The following MTMR2 variants were observed in gnomAD, a reference collection of about 807,000 sequenced individuals.
MTMR2 encodes the protein myotubularin related protein 2.
MTMR2 carries 55 observed loss-of-function variants against 86.9 expected under a neutral mutation model. That is an observed-to-expected ratio of 0.63 (90% CI 0.51 to 0.79). The LOEUF is 0.79. MTMR2 is among the 30% of genes least tolerant of loss of function. The probability of loss-of-function intolerance (pLI) is 0.00; values close to 1 mark genes in which losing one functional copy is unlikely to be tolerated. For synonymous variants in MTMR2, 241 were observed against 266.8 expected (o/e 0.90, Z 0.94); for missense variants, 659 against 772.3 (o/e 0.85, Z 1.74).
chr11:95,850,921 T>A (rs1252626215), intron 7 of MTMR2, among the ~76,000 whole-genome samples, 172 bp from the exon 8 acceptor site: 1 of 152,226 alleles, frequency 6.6e-6, no homozygotes, highest in East Asian at 1.9e-4. Flanking sequence ...GATATTCTAA[T>A]GTAGGGATAC....
At chr11:95,922,016 A>G (rs1444679303) in intron 1 of MTMR2, among the ~76,000 whole-genome samples, 5 of 152,244 alleles carry the variant, frequency 3.3e-5, no homozygotes, top group Non-Finnish European at 5.9e-5. Context: ...GCAAAAATCC[A>G]AAACAAAGGT....
At chr11:95,836,105 C>T (rs773652596) in intron 14 of MTMR2, 43 bp downstream of exon 14, 2 of 1,568,220 alleles carry the variant, frequency 1.3e-6, no homozygotes, top group South Asian at 2.2e-5. Context: ...CAAAGTTGCA[C>T]TGCATGAATG....
At chr11:95,849,007 G>A (rs1344036551) in intron 9 of MTMR2, among the ~76,000 whole-genome samples, 1 of 152,084 alleles carries the variant, frequency 6.6e-6, no homozygotes, top group Non-Finnish European at 1.5e-5. Flanking sequence ...TAGTGGCATG[G>A]TTGTACAACT....
chr11:95,845,286 TAAG>T, intron 10 of MTMR2, 127 bp from the exon 11 acceptor site: 1 of 881,680 alleles, frequency 1.1e-6, no homozygotes, highest in South Asian at 1.5e-5. Flanking sequence ...TGTCCCTTCC[TAAG>T]AAGAATTTTT....
chr11:95,860,482 C>T (rs1864371604), intron 5 of MTMR2, among the ~76,000 whole-genome samples: 2 of 152,124 alleles, frequency 1.3e-5, no homozygotes, highest in Admixed American at 6.6e-5. Context: ...GCCTAAGCAA[C>T]AGAGCCAGAC....
chr11:95,923,608 T>G, intron 1 of MTMR2: 1 of 1,274,764 alleles, frequency 7.8e-7, no homozygotes, highest in Non-Finnish European at 1.0e-6. Context: ...AGAAAGTAAT[T>G]AACTGGGACC....
chr11:95,870,738 T>C (rs992014362), intron 2 of MTMR2, among the ~76,000 whole-genome samples: 10 of 109,212 alleles, frequency 9.2e-5, no homozygotes, highest in Non-Finnish European at 2.2e-4. Flanking sequence ...TTTCTTTTTC[T>C]TTTTTTTTTT....
At position 95,918,668 on chromosome 11, in the gene MTMR2, A is replaced by G. The variant is rs571692502; in HGVS notation, c.80+5207T>C. 1.0e-3 allele frequency among the ~76,000 whole-genome samples: 153 copies of G among 152,304 alleles called. 1 individual carries two copies. Among genetic ancestry groups the G allele is most frequent in the African/African-American group, 3.5e-3 (147 of 41,572 alleles). The stretch of plus-strand genomic sequence containing the variant: ...CTAATAATGCCAAGGTTGTAGGTTC[A>G]ATCTGGTAGCTTTACTCTGTTTTAC... On this transcript the variant is annotated intron_variant, in intron 1 of 14. Coordinates refer to ENST00000346299, the MANE Select transcript of MTMR2 (RefSeq NM_016156.6).
intron 2 of MTMR2, among the ~76,000 whole-genome samples, chr11:95,871,164 C>G (rs1864866380): frequency 6.6e-6 from 1 of 152,170 alleles, no homozygotes; most frequent in Non-Finnish European, 1.5e-5. Flanking sequence ...GGTTCCAAGT[C>G]TTTGCTATTG....
intron 1 of MTMR2, among the ~76,000 whole-genome samples, chr11:95,899,727 G>A (rs1442757007): frequency 1.3e-5 from 2 of 151,962 alleles, no homozygotes; most frequent in African/African-American, 4.8e-5. Context: ...CATATTTGCT[G>A]GCCAGTGACT....
Position 95,835,140 on chromosome 11 carries a change from G to T in MTMR2, c.*150C>A. ...CACTTAAGCCACCTGCACTGCTACA[G>T]TTCTAAACTCATCCTAGAGAGATTT... is the stretch of plus-strand genomic sequence containing the variant. On this transcript the variant is annotated 3_prime_UTR_variant, in exon 15 of 15. Transcript: ENST00000346299. 1 of 830,732 alleles carries T rather than the reference G, an allele frequency of 1.2e-6. No individual in the cohort carries two copies. Among genetic ancestry groups the T allele is most frequent in the Non-Finnish European group, 2.0e-6 (1 of 508,740 alleles). The allele number at this position is 830,732 out of a possible 1,614,324, so 51.5% of individuals were successfully genotyped here.
At chr11:95,885,620 T>G (rs1415959169) in intron 2 of MTMR2, among the ~76,000 whole-genome samples, 1 of 151,986 alleles carries the variant, frequency 6.6e-6, no homozygotes, top group Non-Finnish European at 1.5e-5. Context: ...ATAAGATAAA[T>G]AAAAGATTAA....
chr11:95,901,246 A>G (rs1361205208), intron 1 of MTMR2, among the ~76,000 whole-genome samples: 1 of 152,144 alleles, frequency 6.6e-6, no homozygotes, highest in Non-Finnish European at 1.5e-5. Flanking sequence ...ACCCACTACT[A>G]GTCAAAGCAT....
chr11:95,886,489 G>C (rs1865515685), intron 2 of MTMR2, among the ~76,000 whole-genome samples: 1 of 152,156 alleles, frequency 6.6e-6, no homozygotes, highest in African/African-American at 2.4e-5. Context: ...TCTGCATGCA[G>C]AGAGAAGTTG....
In MTMR2 at chr11:95,888,211, A is replaced by G. The variant is rs375382954; in HGVS notation, c.131T>C (p.Val44Ala). 3 of 1,613,590 alleles carry G rather than the reference A, an allele frequency of 1.9e-6. No individual in the cohort carries two copies. In the African/African-American group the frequency reaches 4.0e-5, roughly 22 times the overall value. The change falls in exon 2 of 15, where the codon GTT (valine) becomes GCT (alanine). Residue 44 changes from valine to alanine, a missense_variant. Val to Ala is a moderately conservative substitution (Grantham distance 64). Around this residue, in one of 3 missense-constraint regions of MTMR2, gnomAD observed 79 missense variants for 54.4 expected, o/e 1.45. Transcript: ENST00000346299. ...ENSVHTKSAS[V>A]VSSDSISTSA... ...AGTTGAAATGGAATCTGATGATACAACAGAAGCTGATTTTGTATGCACTGA... is the reference window on the plus strand; with the variant it reads ...AGTTGAAATGGAATCTGATGATACAGCAGAAGCTGATTTTGTATGCACTGA...
chr11:95,835,391 C>T lies in MTMR2; in HGVS notation c.1831G>A (p.Val611Ile), dbSNP rs1339450885. 1 of 1,613,198 alleles carries T rather than the reference C, an allele frequency of 6.2e-7. No homozygotes were observed. The highest frequency in any genetic ancestry group is 1.1e-5 in the South Asian group (1 of 91,062). Residue 611 changes from valine to isoleucine, a missense_variant, in exon 15 of 15, where the codon GTA becomes ATA. Coordinates refer to ENST00000346299, the MANE Select transcript of MTMR2 (RefSeq NM_016156.6). ...LAKRAELQKK[V>I]EELQREISNR... ...GAAATCTCTCTCTGTAGTTCCTCTACTTTTTTCTGAAGCTCTGCTCGTTTA... is the reference window on the plus strand; with the variant it reads ...GAAATCTCTCTCTGTAGTTCCTCTATTTTTTTCTGAAGCTCTGCTCGTTTA...
intron 1 of MTMR2, among the ~76,000 whole-genome samples, chr11:95,892,088 ATGGCTAC>A (rs1413710349): frequency 3.3e-5 from 5 of 152,146 alleles, no homozygotes; most frequent in African/African-American, 1.2e-4. Context: ...TGTAGTCACC[ATGGCTAC>A]TGGTATAACA....
chr11:95,919,664 T>G (rs1337033872), intron 1 of MTMR2, among the ~76,000 whole-genome samples: 2 of 152,044 alleles, frequency 1.3e-5, no homozygotes, highest in Non-Finnish European at 2.9e-5. Context: ...CACAGAACAG[T>G]AAAATCAGCT....
intron 1 of MTMR2, 97 bp from the exon 2 acceptor site, chr11:95,888,358 T>C: frequency 1.2e-6 from 1 of 821,018 alleles, no homozygotes; most frequent in Non-Finnish European, 2.0e-6. Flanking sequence ...TTATTAAAAT[T>C]TCCACAGCCA....
Sources: gnomAD v4.1 joint callset for allele counts (sites outside exome capture counted in the v4.1 genomes callset) on GRCh38, gnomAD v4.1.1 for gene constraint, gnomAD v4.1.1 regional missense constraint, MANE v1.5 for transcripts, NCBI Gene and HGNC (gene_info 2026-07-23, HGNC 2026-07-21) for gene names.